The following MEGF11 variants were observed in gnomAD, a reference collection of about 807,000 sequenced individuals.
The protein encoded by MEGF11 is multiple EGF like domains 11.
In MEGF11, 126 loss-of-function variants were observed where a neutral mutation model predicts 146.6. The observed-to-expected ratio is 0.86, with a 90% CI of 0.74 to 1.00. The LOEUF (loss-of-function observed/expected upper bound fraction) is 1.00. Ranked by LOEUF, MEGF11 falls within the 50% of genes least tolerant of loss-of-function variation. The probability of loss-of-function intolerance (pLI) is 0.00; values close to 1 mark genes in which losing one functional copy is unlikely to be tolerated. For synonymous variants in MEGF11, 532 were observed against 583.4 expected (o/e 0.91, Z 1.27); for missense variants, 1,509 against 1,521.2 (o/e 0.99, Z 0.13).
intron 1 of MEGF11, among the ~76,000 whole-genome samples, chr15:66,149,492 G>A (rs1391354900): frequency 6.6e-6 from 1 of 152,118 alleles, no homozygotes; most frequent in African/African-American, 2.4e-5. Context: ...TGGTGGTGGT[G>A]TCCATGGATC....
chr15:65,941,820 G>A (rs1045617153), intron 10 of MEGF11, among the ~76,000 whole-genome samples: 2 of 152,218 alleles, frequency 1.3e-5, no homozygotes. Context: ...GAGGGAGTGG[G>A]GAGCAGGACC....
chr15:65,914,009 C>T, intron 19 of MEGF11, 36 bp from the exon 20 acceptor site: 1 of 1,556,248 alleles, frequency 6.4e-7, no homozygotes, highest in Non-Finnish European at 8.8e-7. Flanking sequence ...CTGGGGCTGG[C>T]CTTCTTGCGC....
intron 5 of MEGF11, among the ~76,000 whole-genome samples, chr15:66,044,766 T>C (rs1469901192): frequency 6.9e-6 from 1 of 145,374 alleles, no homozygotes; most frequent in African/African-American, 2.6e-5. Flanking sequence ...GGCGGGAGAA[T>C]TGCTTGAGCC....
At chr15:66,024,253 A>T (rs1276508047) in intron 5 of MEGF11, among the ~76,000 whole-genome samples, 1 of 152,278 alleles carries the variant, frequency 6.6e-6, no homozygotes, top group Non-Finnish European at 1.5e-5. Flanking sequence ...GCCCAGAACA[A>T]GTCCCTCCAT....
At position 65,916,824 on chromosome 15, in the gene MEGF11, T is replaced by C. The variant is rs1435010546; in HGVS notation, c.2215+4A>G. ...TGGCTGGGAGGCCAGGAGGTGGGGCTTACGCTGTGTGCAGAAGAGTCCAGT... is the reference window on the plus strand; with the variant it reads ...TGGCTGGGAGGCCAGGAGGTGGGGCCTACGCTGTGTGCAGAAGAGTCCAGT... On this transcript the variant is annotated splice_donor_region_variant and intron_variant, in intron 17 of 25. Transcript: ENST00000395614. The C allele has an allele frequency of 6.2e-7, 1 of 1,610,896 alleles. No homozygotes were observed. Among genetic ancestry groups the C allele is most frequent in the Non-Finnish European group, 8.5e-7 (1 of 1,178,408 alleles).
chr15:66,237,012 C>T (rs2092108650), intron 1 of MEGF11, among the ~76,000 whole-genome samples: 1 of 152,184 alleles, frequency 6.6e-6, no homozygotes, highest in African/African-American at 2.4e-5. Flanking sequence ...TTCCCTTGTC[C>T]ACTGGCAGCA....
chr15:66,171,999 A>ACT (rs2090271650), intron 1 of MEGF11, among the ~76,000 whole-genome samples: 1 of 152,080 alleles, frequency 6.6e-6, no homozygotes, highest in Non-Finnish European at 1.5e-5. Flanking sequence ...GCTTCACCCC[A>ACT]CACTGATTGG....
At chr15:66,122,874 G>GCC (rs2088109089) in intron 3 of MEGF11, among the ~76,000 whole-genome samples, 1 of 152,074 alleles carries the variant, frequency 6.6e-6, no homozygotes, top group Non-Finnish European at 1.5e-5. Flanking sequence ...CACCTGAATG[G>GCC]CGGAGTTCAT....
At chr15:66,147,379 G>A (rs764621178) in intron 1 of MEGF11, among the ~76,000 whole-genome samples, 20 of 152,204 alleles carry the variant, frequency 1.3e-4, no homozygotes, top group Admixed American at 4.6e-4. Context: ...AGTGCCAGGC[G>A]TCAGGCAAGG....
chr15:66,208,646 T>C (rs12904760), intron 1 of MEGF11, among the ~76,000 whole-genome samples: 72,897 of 151,032 alleles, frequency 0.48, 17,934 homozygotes, highest in African/African-American at 0.51. Flanking sequence ...CTTTGGGAGG[T>C]CAAGGTGGGC....
In MEGF11 at chr15:66,031,307, C is replaced by T. The variant is rs944310347; in HGVS notation, c.395-48819G>A. Among the ~76,000 whole-genome samples the T allele has an allele frequency of 3.3e-5, 5 of 152,206 alleles. No homozygotes were observed. In the East Asian group the frequency reaches 5.8e-4, roughly 18 times the overall value. The stretch of plus-strand genomic sequence containing the variant: ...CTCATTGGCACACAGTCAGGACCTT[C>T]TATACCCAGTCTGGTTTCCCTTTGT... On this transcript the variant is annotated intron_variant, in intron 5 of 25. Transcript: ENST00000395614.
In MEGF11 at chr15:66,175,081, G is replaced by T. The variant is rs550943797; in HGVS notation, c.-8-46670C>A. Among the ~76,000 whole-genome samples, 13 of 152,236 alleles carry T rather than the reference G, an allele frequency of 8.5e-5. No individual in the cohort carries two copies. The South Asian group carries it at 2.7e-3, about 32-fold the overall frequency. On this transcript the variant is annotated intron_variant, in intron 1 of 25. Coordinates refer to ENST00000395614, the MANE Select transcript of MEGF11 (RefSeq NM_001385028.1). The stretch of plus-strand genomic sequence containing the variant: ...CCAATTTACTGAATTTTTTTATCAG[G>T]TCTAAGAGATTTTTGGTGAAGTCTT...
At chr15:66,210,467 G>C (rs746235298) in intron 1 of MEGF11, among the ~76,000 whole-genome samples, 3 of 152,168 alleles carry the variant, frequency 2.0e-5, no homozygotes, top group African/African-American at 7.2e-5. Context: ...GAGGAACAAA[G>C]TTTGATCGCT....
At chr15:66,018,550 C>T (rs2082975521) in intron 5 of MEGF11, among the ~76,000 whole-genome samples, 1 of 152,184 alleles carries the variant, frequency 6.6e-6, no homozygotes, top group South Asian at 2.1e-4. Context: ...GCTGTATCTG[C>T]TGAGTCAGCC....
chr15:66,060,459 C>T (rs757818100), intron 5 of MEGF11, among the ~76,000 whole-genome samples: 12 of 152,226 alleles, frequency 7.9e-5, no homozygotes, highest in South Asian at 4.1e-4. Context: ...TGACACTGCA[C>T]GCTCCATCCA....
At chr15:66,132,416 T>G (rs2140976724) in intron 1 of MEGF11, among the ~76,000 whole-genome samples, 1 of 152,358 alleles carries the variant, frequency 6.6e-6, no homozygotes, top group African/African-American at 2.4e-5. Context: ...TCCTCCTGAC[T>G]GTGCCTAAAT....
intron 5 of MEGF11, among the ~76,000 whole-genome samples, chr15:66,036,676 G>A (rs1282660734): frequency 6.6e-6 from 1 of 152,162 alleles, no homozygotes; most frequent in Non-Finnish European, 1.5e-5. Flanking sequence ...GCCCTGGAAA[G>A]TAGAGGAAGG....
At chr15:66,087,357 G>C (rs1220250831) in intron 5 of MEGF11, among the ~76,000 whole-genome samples, 1 of 152,074 alleles carries the variant, frequency 6.6e-6, no homozygotes, top group South Asian at 2.1e-4. Context: ...TTCATCCAAC[G>C]ACCACAGAAT....
intron 18 of MEGF11, among the ~76,000 whole-genome samples, 160 bp downstream of exon 18, chr15:65,915,988 G>T (rs1596831980): frequency 6.6e-6 from 1 of 152,284 alleles, no homozygotes; most frequent in African/African-American, 2.4e-5. Context: ...AATAATGTAG[G>T]CATGACCTTC....
Sources: allele counts gnomAD v4.1 joint callset (sites outside exome capture counted in the v4.1 genomes callset), GRCh38; gene constraint gnomAD v4.1.1; transcripts MANE v1.5; gene names NCBI Gene and HGNC (gene_info 2026-07-23, HGNC 2026-07-21).